TMEM62: variants seen among roughly 807,000 people sequenced by gnomAD.
TMEM62 encodes the protein transmembrane protein 62.
Under a neutral mutation model 70.4 loss-of-function variants are expected in TMEM62, and 41 were observed. That is an observed-to-expected ratio of 0.58 (90% CI 0.45 to 0.76). The LOEUF (loss-of-function observed/expected upper bound fraction) is 0.76, where lower values mean the gene tolerates loss of function less well. Among genes scored for constraint, TMEM62 ranks in the 30% least tolerant of loss-of-function variants. The probability of loss-of-function intolerance (pLI) is 0.00; values close to 1 mark genes in which losing one functional copy is unlikely to be tolerated. For synonymous variants in TMEM62, 268 were observed against 291.0 expected (o/e 0.92, Z 0.80); for missense variants, 688 against 788.5 (o/e 0.87, Z 1.53).
chr15:43,170,585 A>G (rs1224820554), intron 11 of TMEM62, among the ~76,000 whole-genome samples: 1 of 152,222 alleles, frequency 6.6e-6, no homozygotes, highest in African/African-American at 2.4e-5. Flanking sequence ...AAAAAAACTA[A>G]TAAGGATAAT....
intron 12 of TMEM62, chr15:43,180,046 A>G (rs2041180574): frequency 6.6e-6 from 1 of 152,248 alleles, no homozygotes; most frequent in Non-Finnish European, 1.5e-5. Flanking sequence ...TCTTTAATGC[A>G]GTTTATATAA....
intron 11 of TMEM62, among the ~76,000 whole-genome samples, chr15:43,173,000 G>C (rs939754419): frequency 2.0e-5 from 3 of 152,142 alleles, no homozygotes; most frequent in African/African-American, 7.2e-5. Context: ...GGCCAAGGTG[G>C]ATGGATCACT....
chr15:43,138,566 T>TTA lies in TMEM62; in HGVS notation c.431-8_431-7insTA. 6.4e-7 allele frequency: 1 copy of TTA among 1,557,510 alleles called. No individual in the cohort carries two copies. Among genetic ancestry groups the TTA allele is most frequent in the Non-Finnish European group, 8.8e-7 (1 of 1,141,374 alleles). ...TGAATGTTTGCTTTTTTTTTTTTTT[T>TTA]AAATTAGATGCATTCAATATTCCAA... On this transcript the variant is annotated splice_polypyrimidine_tract_variant and splice_region_variant and intron_variant, in intron 3 of 13. Transcript: ENST00000260403.
At chr15:43,167,158 CG>C (rs1378512927) in intron 10 of TMEM62, among the ~76,000 whole-genome samples, 19 of 147,984 alleles carry the variant, frequency 1.3e-4, no homozygotes, top group Admixed American at 1.2e-3. Context: ...GCTGGCCAGG[CG>C]GGGGGCTGAC....
chr15:43,143,670 C>G (rs1318161307), intron 4 of TMEM62, among the ~76,000 whole-genome samples: 1 of 152,212 alleles, frequency 6.6e-6, no homozygotes, highest in Non-Finnish European at 1.5e-5. Flanking sequence ...CCCAGTTAGT[C>G]ACCTGGCTGC....
At chr15:43,161,836 AT>A (rs1596298264) in intron 10 of TMEM62, among the ~76,000 whole-genome samples, 1 of 150,904 alleles carries the variant, frequency 6.6e-6, no homozygotes, top group Admixed American at 6.6e-5. Flanking sequence ...AATTTTTTGT[AT>A]TTTTTTAGTA....
chr15:43,163,791 A>AC (rs397789988), intron 10 of TMEM62, among the ~76,000 whole-genome samples: 13 of 151,038 alleles, frequency 8.6e-5, no homozygotes, highest in South Asian at 4.2e-4. Flanking sequence ...CAAAAAAAAA[A>AC]CAAAAAACAA....
At chr15:43,162,444 T>G (rs2412763) in intron 10 of TMEM62, among the ~76,000 whole-genome samples, 101,982 of 147,434 alleles carry the variant, frequency 0.69, 40,525 homozygotes, top group Non-Finnish European at 0.87. Context: ...TTTTTTTTTT[T>G]TTGTTGAGCT....
intron 13 of TMEM62, among the ~76,000 whole-genome samples, chr15:43,183,288 C>T (rs1486096268): frequency 2.0e-5 from 3 of 152,222 alleles, no homozygotes; most frequent in Non-Finnish European, 4.4e-5. Flanking sequence ...GGTCTTCTCC[C>T]TGATATTCTT....
At chr15:43,142,549 C>G (rs2141562019) in intron 4 of TMEM62, among the ~76,000 whole-genome samples, 1 of 152,252 alleles carries the variant, frequency 6.6e-6, no homozygotes. Flanking sequence ...CCACCCCAAC[C>G]ACCACCCTGA....
chr15:43,182,490 G>T (rs1330597783), intron 13 of TMEM62, among the ~76,000 whole-genome samples: 26 of 137,184 alleles, frequency 1.9e-4, no homozygotes, highest in Non-Finnish European at 1.5e-5. Context: ...TCTCGATCTT[G>T]TCGTCCAGGC....
intron 11 of TMEM62, 124 bp downstream of exon 11, chr15:43,169,801 C>T (rs1387954829): frequency 1.1e-5 from 8 of 735,916 alleles, no homozygotes; most frequent in Non-Finnish European, 1.8e-5. Flanking sequence ...AAAACACAAA[C>T]TCAAGAAGCC....
intron 3 of TMEM62, among the ~76,000 whole-genome samples, chr15:43,136,764 A>T (rs1013503315): frequency 6.0e-5 from 9 of 151,232 alleles, no homozygotes; most frequent in Non-Finnish European, 8.8e-5. Flanking sequence ...GCTTATTATT[A>T]TTTTTTTGAC....
chr15:43,151,319 G>GAAAAAAAAAAAAAA (rs896405823), intron 7 of TMEM62, among the ~76,000 whole-genome samples: 9 of 53,406 alleles, frequency 1.7e-4, no homozygotes, highest in African/African-American at 4.6e-4. Flanking sequence ...TCAAAAATAA[G>GAAAAAAAAAAAAAA]AAAAAAAAAA....
rs1173957545 is a variant in TMEM62, at chr15:43,184,337, G to A, written c.1683G>A (p.Arg561=). The A allele has an allele frequency of 6.2e-7, 1 of 1,614,002 alleles. No homozygotes were observed. Among genetic ancestry groups the A allele is most frequent in the Non-Finnish European group, 8.5e-7 (1 of 1,180,046 alleles). ...LLQRCFGHNF[R]SHLHQRKYLK... Reference sequence around the variant, plus strand: ...AGCGGTGCTTTGGTCACAACTTCAGGTCTCATCTCCATCAAAGAAAATACT... The same window carrying A: ...AGCGGTGCTTTGGTCACAACTTCAGATCTCATCTCCATCAAAGAAAATACT... Residue 561 remains arginine, a synonymous_variant, in exon 14 of 14, where the codon AGG becomes AGA. Transcript: ENST00000260403.
chr15:43,167,238 T>C (rs1308958115), intron 10 of TMEM62, among the ~76,000 whole-genome samples: 1 of 146,226 alleles, frequency 6.8e-6, no homozygotes, highest in South Asian at 2.2e-4. Context: ...CCCTCCCGGA[T>C]GGGGCGGCTG....
At chr15:43,182,563 C>T (rs1215994337) in intron 13 of TMEM62, among the ~76,000 whole-genome samples, 1 of 151,682 alleles carries the variant, frequency 6.6e-6, no homozygotes, top group Admixed American at 6.6e-5. Flanking sequence ...AAGTGATTCT[C>T]CTGCCTCAGC....
At chr15:43,176,431 C>A (rs11504654) in intron 11 of TMEM62, among the ~76,000 whole-genome samples, 6,143 of 152,272 alleles carry the variant, frequency 0.04, 385 homozygotes, top group African/African-American at 0.14. Context: ...CTGGGAGGCA[C>A]CCCCAGTAGG....
chr15:43,140,041 G>A (rs934884483), intron 4 of TMEM62, among the ~76,000 whole-genome samples: 3 of 152,100 alleles, frequency 2.0e-5, no homozygotes, highest in East Asian at 1.9e-4. Flanking sequence ...TCAAAGGATG[G>A]GCTGACTATT....
Sources: allele counts gnomAD v4.1 joint callset (sites outside exome capture counted in the v4.1 genomes callset), GRCh38; gene constraint gnomAD v4.1.1; transcripts MANE v1.5; gene names NCBI Gene and HGNC (gene_info 2026-07-23, HGNC 2026-07-21).